CCNJL: variants seen among roughly 807,000 people sequenced by gnomAD.
CCNJL encodes cyclin-J-like protein.
In CCNJL, 33 loss-of-function variants were observed where a neutral mutation model predicts 33.4. That is an observed-to-expected ratio of 0.99 (90% CI 0.75 to 1.32). CCNJL has a LOEUF of 1.32. Among genes scored for constraint, CCNJL ranks in the 40% most tolerant of loss-of-function variants. CCNJL has a pLI of 0.00. For synonymous variants in CCNJL, 227 were observed against 220.9 expected (o/e 1.03, Z -0.24); for missense variants, 512 against 499.7 (o/e 1.02, Z -0.23).
chr5:160,267,584 C>A (rs1003877323), intron 3 of CCNJL, among the ~76,000 whole-genome samples: 2 of 152,130 alleles, frequency 1.3e-5, no homozygotes, highest in Non-Finnish European at 2.9e-5. Context: ...AGTCACAAGG[C>A]CCCCTGCAAT....
At chr5:160,320,841 CTT>C (rs1491118244) in intron 1 of CCNJL, among the ~76,000 whole-genome samples, 22 of 99,876 alleles carry the variant, frequency 2.2e-4, no homozygotes, top group African/African-American at 6.6e-4. Context: ...TTCTTTCTTT[CTT>C]TCTTTCCTTC....
At chr5:160,258,164 C>G (rs1031698885) in intron 4 of CCNJL, 26 of 442,710 alleles carry the variant, frequency 5.9e-5, no homozygotes, top group Non-Finnish European at 1.0e-4. Flanking sequence ...GATCTGGATA[C>G]TCATGCCCAT....
chr5:160,277,329 C>T (rs1038355369), intron 3 of CCNJL, among the ~76,000 whole-genome samples: 4 of 152,116 alleles, frequency 2.6e-5, no homozygotes, highest in Admixed American at 6.5e-5. Context: ...GCTGTGATGC[C>T]GATGATTCAG....
upstream of CCNJL, among the ~76,000 whole-genome samples, chr5:160,317,058 G>A (rs933128275): frequency 3.3e-5 from 5 of 152,198 alleles, no homozygotes; most frequent in Non-Finnish European, 7.3e-5. Flanking sequence ...CATGAAGCCT[G>A]GCTCAGTTTA....
chr5:160,280,164 G>C (rs1258735886), intron 3 of CCNJL, among the ~76,000 whole-genome samples: 2 of 152,142 alleles, frequency 1.3e-5, no homozygotes, highest in African/African-American at 4.8e-5. Context: ...GAGGGCACAG[G>C]TTCTGGCACC....
chr5:160,284,195 T>C (rs1241606382), intron 2 of CCNJL, among the ~76,000 whole-genome samples: 1 of 151,698 alleles, frequency 6.6e-6, no homozygotes, highest in Non-Finnish European at 1.5e-5. Flanking sequence ...CCACAAAAGA[T>C]GAAAAAATTA....
chr5:160,322,646 G>A (rs536632936), intron 1 of CCNJL, among the ~76,000 whole-genome samples: 2 of 152,258 alleles, frequency 1.3e-5, no homozygotes, highest in East Asian at 3.9e-4. Context: ...GGTGGCTCAC[G>A]CCTGTAATCC....
intron 2 of CCNJL, among the ~76,000 whole-genome samples, chr5:160,287,141 C>T (rs1762432834): frequency 6.6e-6 from 1 of 152,106 alleles, no homozygotes; most frequent in Admixed American, 6.5e-5. Flanking sequence ...TGAACTGACC[C>T]TCAGTGTCCC....
rs750882960 is a variant in CCNJL, at chr5:160,280,571, G to C, written c.234C>G (p.Thr78=). The change falls in exon 3 of 6, where the codon ACC becomes ACG. Residue 78 remains threonine, a synonymous_variant. Coordinates refer to ENST00000257536, the MANE Select transcript of CCNJL (RefSeq NM_001308173.3). Reference sequence around the variant, plus strand: ...CGGCCACGGTGTAGAGCTGCTTGGAGGTGGTGACGTTGTAGCGATCCATGA... The same window carrying C: ...CGGCCACGGTGTAGAGCTGCTTGGACGTGGTGACGTTGTAGCGATCCATGA... ...DHFMDRYNVT[T]SKQLYTVAVS... 15 of 1,613,036 alleles carry C rather than the reference G, an allele frequency of 9.3e-6. No homozygotes were observed. In the African/African-American group the frequency reaches 1.9e-4, roughly 20 times the overall value.
At chr5:160,313,946 TC>T (rs1266481179), upstream of CCNJL, among the ~76,000 whole-genome samples, 1 of 152,222 alleles carries the variant, frequency 6.6e-6, no homozygotes, top group Non-Finnish European at 1.5e-5. Context: ...GGCAGGCAGA[TC>T]ACCTGAGGTC....
At chr5:160,267,683 G>T (rs74845365) in intron 3 of CCNJL, among the ~76,000 whole-genome samples, 103 of 152,068 alleles carry the variant, frequency 6.8e-4, no homozygotes, top group South Asian at 1.0e-3. Flanking sequence ...CCATCTAACC[G>T]CCCTGTTCTC....
intron 1 of CCNJL, among the ~76,000 whole-genome samples, chr5:160,328,816 G>A (rs1005210093): frequency 1.3e-5 from 2 of 151,638 alleles, no homozygotes; most frequent in African/African-American, 4.9e-5. Context: ...GGAGGCGGAG[G>A]TTGCAGTGAG....
chr5:160,267,143 G>C (rs551654809), intron 3 of CCNJL, among the ~76,000 whole-genome samples: 7 of 152,316 alleles, frequency 4.6e-5, no homozygotes, highest in Admixed American at 1.3e-4. Flanking sequence ...GTTCTCTGCT[G>C]CATCCCGAGG....
intron 1 of CCNJL, among the ~76,000 whole-genome samples, chr5:160,324,434 G>T (rs574218524): frequency 6.6e-6 from 1 of 152,108 alleles, no homozygotes; most frequent in African/African-American, 2.4e-5. Context: ...TTAGCCAGGC[G>T]TGGTGGCGGG....
intron 3 of CCNJL, 111 bp downstream of exon 3, chr5:160,280,414 C>A (rs933132413): frequency 3.5e-6 from 3 of 853,876 alleles, no homozygotes; most frequent in Non-Finnish European, 5.6e-6. Flanking sequence ...GAAGGATGAA[C>A]ATATAAGACG....
intron 3 of CCNJL, among the ~76,000 whole-genome samples, chr5:160,279,558 C>T (rs2113346548): frequency 1.3e-5 from 2 of 152,350 alleles, no homozygotes; most frequent in South Asian, 4.1e-4. Flanking sequence ...GCACATGACG[C>T]TGAGGGTCTG....
chr5:160,330,405 G>A, intron 1 of CCNJL, among the ~76,000 whole-genome samples: 1 of 152,208 alleles, frequency 6.6e-6, no homozygotes, highest in Non-Finnish European at 1.5e-5. Context: ...CTCCCTGAGA[G>A]CTCAGCTGCC....
intron 3 of CCNJL, among the ~76,000 whole-genome samples, chr5:160,262,107 C>T (rs546458859): frequency 6.6e-6 from 1 of 152,240 alleles, no homozygotes; most frequent in East Asian, 1.9e-4. Context: ...TCCCCTGAAT[C>T]TTGTGCTGAG....
chr5:160,292,775 T>G (rs1038878282), intron 2 of CCNJL, among the ~76,000 whole-genome samples: 1 of 152,158 alleles, frequency 6.6e-6, no homozygotes, highest in Non-Finnish European at 1.5e-5. Context: ...ATTCCATGCA[T>G]CTTGTACTCT....
Sources: allele counts gnomAD v4.1 joint callset (sites outside exome capture counted in the v4.1 genomes callset), GRCh38; gene constraint gnomAD v4.1.1; transcripts MANE v1.5; gene names NCBI Gene and HGNC (gene_info 2026-07-23, HGNC 2026-07-21).